Variants in MTUS2 observed in about 807,000 individuals in gnomAD.
The protein encoded by MTUS2 is microtubule-associated tumor suppressor candidate 2.
Under a neutral mutation model 114.1 loss-of-function variants are expected in MTUS2, and 40 were observed. That is an observed-to-expected ratio of 0.35 (90% CI 0.27 to 0.46). The LOEUF is 0.46. MTUS2 is among the 20% of genes least tolerant of loss of function. MTUS2 has a pLI of 1.00. For missense variants in MTUS2, 1,679 were observed against 1,705.4 expected (o/e 0.98, Z 0.27); for synonymous variants, 688 against 672.0 (o/e 1.02, Z -0.37).
At chr13:29,183,011 C>G (rs1293637039) in intron 5 of MTUS2, among the ~76,000 whole-genome samples, 1 of 152,122 alleles carries the variant, frequency 6.6e-6, no homozygotes, top group Non-Finnish European at 1.5e-5. Flanking sequence ...GCCCTTTGGC[C>G]TTACTCTGTG....
Position 29,492,727 on chromosome 13 carries a change from T to C in MTUS2, c.3579+8T>C. 1 of 1,598,826 alleles carries C rather than the reference T, an allele frequency of 6.3e-7. No individual in the cohort carries two copies. Among genetic ancestry groups the C allele is most frequent in the Non-Finnish European group, 8.6e-7 (1 of 1,166,450 alleles). On this transcript the variant is annotated splice_region_variant and intron_variant, in intron 12 of 15. Coordinates refer to ENST00000612955, the MANE Select transcript of MTUS2 (RefSeq NM_001033602.4). The stretch of plus-strand genomic sequence containing the variant: ...CTGCGGCTGTCATTGCAGGTTAGTA[T>C]TTCTTTAATTTTCTTACCTGGTATC...
At chr13:29,111,114 C>G (rs1309764283) in intron 5 of MTUS2, among the ~76,000 whole-genome samples, 1 of 152,020 alleles carries the variant, frequency 6.6e-6, no homozygotes, top group Admixed American at 6.6e-5. Flanking sequence ...CACTTATGGT[C>G]TTAAGTAAGG....
At chr13:28,976,867 C>A (rs2138277408) in intron 2 of MTUS2, among the ~76,000 whole-genome samples, 1 of 152,298 alleles carries the variant, frequency 6.6e-6, no homozygotes, top group Admixed American at 6.5e-5. Flanking sequence ...GCATGCTATG[C>A]TAATCATGAC....
intron 5 of MTUS2, among the ~76,000 whole-genome samples, chr13:29,270,538 A>C (rs1897845408): frequency 6.6e-6 from 1 of 152,202 alleles, no homozygotes; most frequent in Admixed American, 6.5e-5. Context: ...GGAGAGGCAC[A>C]AATGGGAACT....
At chr13:29,185,060 A>G (rs1172319727) in intron 5 of MTUS2, among the ~76,000 whole-genome samples, 1 of 152,152 alleles carries the variant, frequency 6.6e-6, no homozygotes, top group Admixed American at 6.5e-5. Context: ...TAAATATAAA[A>G]TATCAAAAAA....
chr13:29,254,341 G>A (rs1897226687), intron 5 of MTUS2, among the ~76,000 whole-genome samples: 1 of 152,214 alleles, frequency 6.6e-6, no homozygotes, highest in Non-Finnish European at 1.5e-5. Context: ...GGAAGACAGA[G>A]GCAGAATGGC....
chr13:29,025,978 C>T lies in MTUS2; in HGVS notation c.1280C>T (p.Ser427Phe), dbSNP rs780683961. 4.3e-6 allele frequency: 7 copies of T among 1,614,006 alleles called. No homozygotes were observed. Among genetic ancestry groups the T allele is most frequent in the Non-Finnish European group, 5.9e-6 (7 of 1,179,892 alleles). Residue 427 changes from serine to phenylalanine, a missense_variant, in exon 3 of 16, where the codon TCC (serine) becomes TTC (phenylalanine). This residue lies in a region of MTUS2 where 843 missense variants were observed against 770.8 expected (regional missense o/e 1.09). Transcript: ENST00000612955. ...CAGEKLGERT[S>F]SSFSPGDSHV... ...GGTGAGAAGTTGGGTGAAAGGACAT[C>T]CAGCAGCTTTTCACCAGGTGACAGT...
intron 10 of MTUS2, among the ~76,000 whole-genome samples, chr13:29,483,445 A>G (rs1374415448): frequency 6.6e-6 from 1 of 151,998 alleles, no homozygotes; most frequent in African/African-American, 2.4e-5. Flanking sequence ...CTCCGGCTAC[A>G]CAGGTGGGTC....
intron 3 of MTUS2, among the ~76,000 whole-genome samples, chr13:29,031,237 G>GGTGTGT (rs59288953): frequency 0.011 from 1,320 of 122,944 alleles, 17 homozygotes; most frequent in African/African-American, 0.023. Context: ...AGAACTAATA[G>GGTGTGT]GTGTGTGTGT....
At chr13:28,960,349 TATC>T (rs1413975332) in intron 2 of MTUS2, among the ~76,000 whole-genome samples, 4 of 152,186 alleles carry the variant, frequency 2.6e-5, no homozygotes, top group Non-Finnish European at 4.4e-5. Flanking sequence ...GATATAGAGT[TATC>T]ATATGACTCA....
intron 8 of MTUS2, among the ~76,000 whole-genome samples, chr13:29,388,390 T>C (rs1343533837): frequency 2.0e-5 from 3 of 151,404 alleles, no homozygotes; most frequent in Non-Finnish European, 4.4e-5. Flanking sequence ...CTTGAGTGTT[T>C]TAAACATAGG....
In MTUS2 at chr13:29,480,613, G is replaced by A. The variant is rs966639419; in HGVS notation, c.3399+249G>A. The stretch of plus-strand genomic sequence containing the variant: ...CTGGAATGCTCTCCCTCTAGACAGT[G>A]CATGGCTGCCTCTTGCCCTCCCTTC... On this transcript the variant is annotated intron_variant, in intron 10 of 15. Coordinates refer to ENST00000612955, the MANE Select transcript of MTUS2 (RefSeq NM_001033602.4). The surrounding 1 kb of genome is among the most constrained non-coding windows in gnomAD (Gnocchi z 4.4). Among the ~76,000 whole-genome samples, 1 of 152,122 alleles carries A rather than the reference G, an allele frequency of 6.6e-6. No individual in the cohort carries two copies. Among genetic ancestry groups the A allele is most frequent in the African/African-American group, 2.4e-5 (1 of 41,416 alleles).
At chr13:29,139,267 A>AT (rs1452647672) in intron 5 of MTUS2, among the ~76,000 whole-genome samples, 1 of 152,098 alleles carries the variant, frequency 6.6e-6, no homozygotes, top group Non-Finnish European at 1.5e-5. Context: ...ACATATTTGT[A>AT]TTTTTTCTTT....
chr13:28,982,742 A>G (rs930777209), intron 2 of MTUS2, among the ~76,000 whole-genome samples: 3 of 152,240 alleles, frequency 2.0e-5, no homozygotes, highest in Admixed American at 2.0e-4. Context: ...AACCTTGAGC[A>G]TATTAGCGTA....
chr13:29,165,554 T>C (rs1893282311), intron 5 of MTUS2, among the ~76,000 whole-genome samples: 1 of 152,200 alleles, frequency 6.6e-6, no homozygotes, highest in African/African-American at 2.4e-5. Flanking sequence ...GTGAAAACAA[T>C]GTGTGGGGCC....
chr13:28,894,290 G>C (rs1593277467), intron 2 of MTUS2, among the ~76,000 whole-genome samples: 1 of 6,804 alleles, frequency 1.5e-4, no homozygotes, highest in Non-Finnish European at 3.8e-4. Context: ...GGGGGGGGGG[G>C]AGAGAGAGAG....
chr13:29,430,515 A>G (rs1239624397), intron 8 of MTUS2, among the ~76,000 whole-genome samples: 2 of 152,196 alleles, frequency 1.3e-5, no homozygotes, highest in African/African-American at 4.8e-5. Context: ...TTTACTGATG[A>G]AAACTTTAAA....
intron 5 of MTUS2, among the ~76,000 whole-genome samples, chr13:29,252,996 C>T (rs7336239): frequency 0.083 from 12,677 of 151,920 alleles, 1,694 homozygotes; most frequent in African/African-American, 0.29. Context: ...GAACATTCTT[C>T]CAGTGGGTAA....
intron 5 of MTUS2, among the ~76,000 whole-genome samples, chr13:29,180,294 C>T (rs1242959312): frequency 1.3e-5 from 2 of 152,174 alleles, no homozygotes; most frequent in Admixed American, 6.5e-5. Context: ...ACCCCAATAC[C>T]TCCAAAGCGC....
Sources: gnomAD v4.1 joint callset for allele counts (sites outside exome capture counted in the v4.1 genomes callset) on GRCh38, gnomAD v4.1.1 for gene constraint, gnomAD v4.1.1 regional missense constraint, Gnocchi (gnomAD v3.1) non-coding constraint, MANE v1.5 for transcripts, NCBI Gene and HGNC (gene_info 2026-07-23, HGNC 2026-07-21) for gene names.